XPR1: variants seen among roughly 807,000 people sequenced by gnomAD.
XPR1 encodes solute carrier family 53 member 1.
A neutral mutation model predicts 87.5 loss-of-function variants in XPR1; 28 were observed. The ratio of observed to expected loss-of-function variants is 0.32; its 90% confidence interval spans 0.24 to 0.44. The LOEUF is 0.44. Ranked by LOEUF, XPR1 falls within the 20% of genes least tolerant of loss-of-function variation. The pLI is 1.00. For missense variants in XPR1, 559 were observed against 862.3 expected (o/e 0.65, Z 4.41); for synonymous variants, 300 against 306.1 (o/e 0.98, Z 0.21).
chr1:180,662,134 T>C (rs762067358), intron 1 of XPR1, among the ~76,000 whole-genome samples: 2 of 152,220 alleles, frequency 1.3e-5, no homozygotes, highest in African/African-American at 2.4e-5. Flanking sequence ...AACAGTGTTA[T>C]AATAGTCTGT....
At chr1:180,730,933 A>G (rs372338358) in intron 2 of XPR1, among the ~76,000 whole-genome samples, 1 of 152,084 alleles carries the variant, frequency 6.6e-6, no homozygotes, top group African/African-American at 2.4e-5. Context: ...TCCTGGATCA[A>G]AAACTTTCTT....
intron 1 of XPR1, among the ~76,000 whole-genome samples, chr1:180,662,630 G>A (rs1386916141): frequency 6.6e-6 from 1 of 152,100 alleles, no homozygotes; most frequent in Non-Finnish European, 1.5e-5. Flanking sequence ...TCTGCTTGGT[G>A]TTCTATAACC....
chr1:180,696,336 G>A (rs1006660147), intron 2 of XPR1, among the ~76,000 whole-genome samples: 12 of 151,124 alleles, frequency 7.9e-5, no homozygotes, highest in East Asian at 1.9e-4. Flanking sequence ...ACAACTTTAC[G>A]GAATTTATCA....
intron 9 of XPR1, among the ~76,000 whole-genome samples, chr1:180,828,834 T>C (rs1423632321): frequency 6.6e-6 from 1 of 151,870 alleles, no homozygotes; most frequent in Non-Finnish European, 1.5e-5. Context: ...CATTTAACAC[T>C]TAGCCCTATT....
intron 2 of XPR1, among the ~76,000 whole-genome samples, chr1:180,721,826 C>A (rs1255395181): frequency 2.0e-5 from 3 of 152,152 alleles, no homozygotes; most frequent in Non-Finnish European, 2.9e-5. Flanking sequence ...TTACGACTTT[C>A]TTTTCTCTAG....
intron 1 of XPR1, among the ~76,000 whole-genome samples, chr1:180,680,552 A>T (rs1452138630): frequency 6.6e-6 from 1 of 151,874 alleles, no homozygotes; most frequent in Non-Finnish European, 1.5e-5. Context: ...TTTAGTAGAG[A>T]CGGGGTTTCA....
At chr1:180,705,273 T>C (rs201451578) in intron 2 of XPR1, among the ~76,000 whole-genome samples, 2 of 152,318 alleles carry the variant, frequency 1.3e-5, no homozygotes, top group East Asian at 3.9e-4. Flanking sequence ...CAATTCGTGT[T>C]TCCTGATGAG....
intron 1 of XPR1, among the ~76,000 whole-genome samples, chr1:180,649,154 A>G (rs1266583064): frequency 1.3e-5 from 2 of 152,064 alleles, no homozygotes; most frequent in African/African-American, 2.4e-5. Flanking sequence ...GGCCAGGCGC[A>G]GTGGCTCACG....
At chr1:180,877,375 C>T (rs1215078744) in intron 13 of XPR1, among the ~76,000 whole-genome samples, 1 of 152,142 alleles carries the variant, frequency 6.6e-6, no homozygotes, top group Non-Finnish European at 1.5e-5. Context: ...GAAATCCACT[C>T]GTGCATACCT....
At chr1:180,824,639 A>T in intron 7 of XPR1, 114 bp from the exon 8 acceptor site, 4 of 905,106 alleles carry the variant, frequency 4.4e-6, no homozygotes, top group Non-Finnish European at 6.7e-6. Flanking sequence ...TTTAGGTTTT[A>T]TTTATGAAAA....
At chr1:180,820,019 CA>C (rs963146509) in intron 7 of XPR1, among the ~76,000 whole-genome samples, 223 of 135,004 alleles carry the variant, frequency 1.7e-3, no homozygotes, top group Middle Eastern at 3.8e-3. Flanking sequence ...GACTCTGTCT[CA>C]AAAAAAAAAA....
chr1:180,674,423 A>G (rs1356367052), intron 1 of XPR1, among the ~76,000 whole-genome samples: 2 of 151,324 alleles, frequency 1.3e-5, no homozygotes, highest in Non-Finnish European at 2.9e-5. Context: ...CACGCCTGGC[A>G]AATGTTTGTA....
intron 2 of XPR1, among the ~76,000 whole-genome samples, chr1:180,717,968 T>TA (rs1344312360): frequency 6.6e-6 from 1 of 152,162 alleles, no homozygotes; most frequent in Non-Finnish European, 1.5e-5. Flanking sequence ...ATATGAAGTT[T>TA]AAAAAAATCT....
chr1:180,696,518 G>C (rs191123101), intron 2 of XPR1, among the ~76,000 whole-genome samples: 363 of 151,888 alleles, frequency 2.4e-3, no homozygotes, highest in Non-Finnish European at 4.4e-3. Context: ...AATAAGAATG[G>C]TGAAAGTGGG....
At chr1:180,671,535 A>G (rs1218801515) in intron 1 of XPR1, among the ~76,000 whole-genome samples, 1 of 151,810 alleles carries the variant, frequency 6.6e-6, no homozygotes, top group Non-Finnish European at 1.5e-5. Flanking sequence ...ATATATATAT[A>G]TTTTTTTGAG....
intron 2 of XPR1, among the ~76,000 whole-genome samples, chr1:180,784,692 T>G (rs1437427886): frequency 6.6e-6 from 1 of 152,020 alleles, no homozygotes; most frequent in Non-Finnish European, 1.5e-5. Context: ...ATTTTGAGTT[T>G]CTTCTAAATT....
chr1:180,836,365 A>C (rs1394056889), intron 10 of XPR1, among the ~76,000 whole-genome samples, 157 bp from the exon 11 acceptor site: 1 of 152,124 alleles, frequency 6.6e-6, no homozygotes, highest in African/African-American at 2.4e-5. Context: ...TCAAAAAAAA[A>C]AAAGAAAATC....
intron 2 of XPR1, among the ~76,000 whole-genome samples, chr1:180,688,995 A>G (rs2101954589): frequency 6.6e-6 from 1 of 152,172 alleles, no homozygotes; most frequent in South Asian, 2.1e-4. Context: ...TTCAAACTTC[A>G]TTTTGTCGTA....
At position 180,885,269 on chromosome 1, in the gene XPR1, C is replaced by G. The variant is rs1046738182; in HGVS notation, c.*1203C>G. 1 of 152,622 alleles carries G rather than the reference C, an allele frequency of 6.6e-6. No individual in the cohort carries two copies. Among genetic ancestry groups the G allele is most frequent in the Non-Finnish European group, 1.5e-5 (1 of 68,044 alleles). 9.5% of individuals were successfully genotyped at this position (152,622 alleles called of 1,614,324 possible). A position where few individuals can be genotyped will look rare whatever the true frequency, so the allele number is the denominator to read the frequency against. On this transcript the variant is annotated 3_prime_UTR_variant, in exon 15 of 15. Coordinates refer to ENST00000367590, the MANE Select transcript of XPR1 (RefSeq NM_004736.4). ...GCACATGGAACAAATTATACTTCCT[C>G]ATTCATATTATGTTGATACAAAAGA...
Sources: gnomAD v4.1 joint callset for allele counts (sites outside exome capture counted in the v4.1 genomes callset) on GRCh38, gnomAD v4.1.1 for gene constraint, MANE v1.5 for transcripts, NCBI Gene and HGNC (gene_info 2026-07-23, HGNC 2026-07-21) for gene names.